The following NLRP11 variants were observed in gnomAD, a reference collection of about 807,000 sequenced individuals.
The protein encoded by NLRP11 is NLR family pyrin domain containing 11.
Under a neutral mutation model 79.3 loss-of-function variants are expected in NLRP11, and 53 were observed. The observed-to-expected ratio is 0.67, with a 90% CI of 0.54 to 0.84. The LOEUF is 0.84. Among genes scored for constraint, NLRP11 ranks in the 40% least tolerant of loss-of-function variants. The pLI is 0.00. For synonymous variants in NLRP11, 518 were observed against 462.6 expected (o/e 1.12, Z -1.54); for missense variants, 1,264 against 1,255.0 (o/e 1.01, Z -0.11).
chr19:55,802,011 T>TACATCCACATGC (rs2122775323), intron 4 of NLRP11, among the ~76,000 whole-genome samples: 1 of 152,264 alleles, frequency 6.6e-6, no homozygotes, highest in South Asian at 2.1e-4. Context: ...ATACTAAGAA[T>TACATCCACATGC]ACATCCACAT....
chr19:55,834,204 C>T (rs1327949384), upstream of NLRP11, among the ~76,000 whole-genome samples: 4 of 152,080 alleles, frequency 2.6e-5, no homozygotes, highest in Non-Finnish European at 5.9e-5. Flanking sequence ...AAGCTACAAA[C>T]CACAAACTAG....
Position 55,809,584 on chromosome 19 carries a change from G to A in NLRP11, c.1026C>T (p.Cys342=), listed in dbSNP as rs1600190192. Residue 342 remains cysteine (C), a synonymous_variant, in exon 3 of 10, where the codon TGC becomes TGT. Coordinates refer to ENST00000589093, the Ensembl canonical transcript of NLRP11. This position sits in a 1 kb window ranked among gnomAD's most constrained non-coding sequence, Gnocchi z 4.5. ...GCTTCAGGACAGTACACGTGATCCAGCATAAGATGGCGACTCGGCACAGAC... is the reference window on the plus strand; with the variant it reads ...GCTTCAGGACAGTACACGTGATCCAACATAAGATGGCGACTCGGCACAGAC... 6.2e-7 allele frequency: 1 copy of A among 1,614,216 alleles called. No individual in the cohort carries two copies. The highest frequency in any genetic ancestry group is 1.1e-5 in the South Asian group (1 of 91,082).
chr19:55,803,636 CAAAGGGT>C (rs1173950199), intron 4 of NLRP11, among the ~76,000 whole-genome samples: 1 of 152,058 alleles, frequency 6.6e-6, no homozygotes, highest in Non-Finnish European at 1.5e-5. Flanking sequence ...AAAAAGTGGG[CAAAGGGT>C]ATAACAGACA....
At chr19:55,793,072 G>C (rs1978432842) in intron 6 of NLRP11, among the ~76,000 whole-genome samples, 2 of 151,984 alleles carry the variant, frequency 1.3e-5, no homozygotes, top group South Asian at 4.1e-4. Flanking sequence ...AGAGATGGGG[G>C]TCTCACTGTG....
exon 10 of NLRP11, chr19:55,785,535 AC>A: frequency 7.1e-5 from 84 of 1,179,590 alleles, no homozygotes; most frequent in Middle Eastern, 2.5e-4. Context: ...ACACACACAC[AC>A]ACATCAAATA....
In NLRP11 at chr19:55,809,059, C is replaced by A. The variant is rs1167152514; in HGVS notation, c.1551G>T (p.Met517Ile). ...CCGAGTACCACTTGAAGCTGTCTACCATCGGTAGCTGGTATCCAAAGGATG... is the reference window on the plus strand; with the variant it reads ...CCGAGTACCACTTGAAGCTGTCTACAATCGGTAGCTGGTATCCAAAGGATG... Residue 517 changes from methionine (M) to isoleucine (I), a missense_variant, in exon 3 of 10, where the codon ATG becomes ATT. Transcript: ENST00000589093. The surrounding 1 kb of genome is among the most constrained non-coding windows in gnomAD (Gnocchi z 4.5). The A allele has an allele frequency of 6.2e-7, 1 of 1,613,826 alleles. No homozygotes were observed. Among genetic ancestry groups the A allele is most frequent in the African/African-American group, 1.3e-5 (1 of 74,870 alleles).
upstream of NLRP11, among the ~76,000 whole-genome samples, chr19:55,834,089 A>AT (rs1334472417): frequency 4.6e-5 from 7 of 152,336 alleles, no homozygotes; most frequent in East Asian, 1.3e-3. Context: ...GTAGGGAATG[A>AT]TTTTTGTCAA....
intron 9 of NLRP11, among the ~76,000 whole-genome samples, chr19:55,786,203 T>C (rs16986571): frequency 0.021 from 3,166 of 152,284 alleles, 74 homozygotes; most frequent in East Asian, 0.11. Context: ...TAGGTTCCAA[T>C]ACTGAGGGTC....
Position 55,823,675 on chromosome 19 carries a change from G to A in NLRP11, c.-62-5439C>T, listed in dbSNP as rs1192180789. 1.1e-4 allele frequency among the ~76,000 whole-genome samples: 17 copies of A among 148,930 alleles called. 1 individual carries two copies. The highest frequency in any genetic ancestry group is 2.1e-4 in the East Asian group (1 of 4,806). On this transcript the variant is annotated intron_variant, in intron 1 of 9. Transcript: ENST00000589093. ...AGAAAGGGTATCAGCAATGGAAGAC[G>A]AAATGAATGAAATGAAGCGAGAAGG...
chr19:55,832,804 C>T (rs979465236), upstream of NLRP11: 3 of 152,052 alleles, frequency 2.0e-5, no homozygotes, highest in African/African-American at 4.8e-5. Flanking sequence ...TCATAATGGA[C>T]GGGAAAGTGA....
intron 5 of NLRP11, among the ~76,000 whole-genome samples, chr19:55,797,542 G>T (rs984204150): frequency 6.6e-6 from 1 of 152,194 alleles, no homozygotes; most frequent in Non-Finnish European, 1.5e-5. Context: ...AGACAGGGCT[G>T]AATGTATCAT....
chr19:55,785,763 G>T lies in NLRP11; in HGVS notation c.2964C>A (p.Gly988=). Residue 988 remains glycine (G), a synonymous_variant, in exon 10 of 10, where the codon GGC becomes GGA. Transcript: ENST00000589093. ...AAGCAGGTGTCACACCAATTTCTCT[G>T]CCTTCCTTTAAAGACCAAGTTTCAG... The T allele has an allele frequency of 1.9e-6, 3 of 1,614,086 alleles. No individual in the cohort carries two copies. The African/African-American group carries it at 4.0e-5, about 22-fold the overall frequency.
At chr19:55,833,534 A>G (rs1238871125), upstream of NLRP11, among the ~76,000 whole-genome samples, 2 of 151,822 alleles carry the variant, frequency 1.3e-5, no homozygotes, top group Admixed American at 6.6e-5. Flanking sequence ...GGGAGGCTGA[A>G]GCGGGCAGAT....
chr19:55,820,597 C>A (rs1396315305), intron 1 of NLRP11, among the ~76,000 whole-genome samples: 3 of 152,140 alleles, frequency 2.0e-5, no homozygotes, highest in Non-Finnish European at 4.4e-5. Context: ...CTTTTCGTCT[C>A]ATGTATATTT....
chr19:55,799,242 A>G (rs192133169), intron 5 of NLRP11, among the ~76,000 whole-genome samples: 5 of 152,080 alleles, frequency 3.3e-5, no homozygotes, highest in Admixed American at 1.3e-4. Context: ...ACTCCAGCCT[A>G]GGTGACAGCA....
chr19:55,801,466 C>T (rs940695507), intron 5 of NLRP11, 106 bp downstream of exon 5: 7 of 792,466 alleles, frequency 8.8e-6, no homozygotes, highest in African/African-American at 6.9e-5. Flanking sequence ...GAATGAGTGA[C>T]ATCAAAAGGT....
chr19:55,800,868 T>C (rs141028150), intron 5 of NLRP11, among the ~76,000 whole-genome samples: 3 of 152,280 alleles, frequency 2.0e-5, no homozygotes, highest in African/African-American at 7.2e-5. Flanking sequence ...TTTGATATGC[T>C]GGGTTAAATA....
intron 1 of NLRP11, among the ~76,000 whole-genome samples, chr19:55,827,838 C>A (rs2122929270): frequency 6.6e-6 from 1 of 150,764 alleles, no homozygotes. Context: ...GTAGTTCATC[C>A]ATTGTGGAAG....
chr19:55,827,347 A>T (rs1982332459), intron 1 of NLRP11, among the ~76,000 whole-genome samples: 1 of 149,030 alleles, frequency 6.7e-6, no homozygotes, highest in African/African-American at 2.5e-5. Context: ...TTCAGGACAT[A>T]GGCATGGCCA....
Sources: allele counts gnomAD v4.1 joint callset (sites outside exome capture counted in the v4.1 genomes callset), GRCh38; gene constraint gnomAD v4.1.1; non-coding constraint Gnocchi (gnomAD v3.1); transcripts MANE v1.5; gene names NCBI Gene and HGNC (gene_info 2026-07-23, HGNC 2026-07-21).